RAI1: variants seen among roughly 807,000 people sequenced by gnomAD.
RAI1 encodes retinoic acid induced 1.
In RAI1, 9 loss-of-function variants were observed where a neutral mutation model predicts 123.8. The ratio of observed to expected loss-of-function variants is 0.07; its 90% confidence interval spans 0.04 to 0.13. RAI1 has a LOEUF of 0.13. Among genes scored for constraint, RAI1 ranks in the 10% least tolerant of loss-of-function variants. The probability of loss-of-function intolerance (pLI) is 1.00; values close to 1 mark genes in which losing one functional copy is unlikely to be tolerated. For missense variants in RAI1, 2,256 were observed against 2,545.8 expected, an observed-to-expected ratio of 0.89 and a Z score of 2.45; for synonymous variants, 1,231 against 1,127.3, an observed-to-expected ratio of 1.09 and a Z score of -1.84.
intron 2 of RAI1, among the ~76,000 whole-genome samples, chr17:17,752,163 C>T (rs548770450): frequency 2.0e-5 from 3 of 152,316 alleles, no homozygotes; most frequent in Non-Finnish European, 4.4e-5. Context: ...AGGAGCCTCC[C>T]GCCCGGCATA....
chr17:17,719,083 G>T (rs1233737493), intron 1 of RAI1, among the ~76,000 whole-genome samples: 1 of 152,086 alleles, frequency 6.6e-6, no homozygotes, highest in African/African-American at 2.4e-5. Flanking sequence ...CCCTGGCCAG[G>T]CCTCATCATT....
At chr17:17,785,888 C>T (rs916233186) in intron 2 of RAI1, among the ~76,000 whole-genome samples, 2 of 152,194 alleles carry the variant, frequency 1.3e-5, no homozygotes, top group Non-Finnish European at 2.9e-5. Context: ...GCATTTGACC[C>T]CAGGAGCTTG....
chr17:17,750,893 T>G (rs1277116737), intron 2 of RAI1, among the ~76,000 whole-genome samples: 2 of 151,910 alleles, frequency 1.3e-5, no homozygotes, highest in Non-Finnish European at 2.9e-5. Context: ...TGTCCAAGGG[T>G]GGGGAGGTGG....
chr17:17,803,947 C>A, intron 4 of RAI1, 98 bp downstream of exon 4: 1 of 1,157,430 alleles, frequency 8.6e-7, no homozygotes, highest in Non-Finnish European at 1.3e-6. Flanking sequence ...GGCCCCATCT[C>A]ACTCTTCAGT....
rs889793913 is a variant in RAI1, at chr17:17,685,687, C to T, written c.-149+3894C>T. Among the ~76,000 whole-genome samples, 8 of 152,132 alleles carry T rather than the reference C, an allele frequency of 5.3e-5. No homozygotes were observed. Among genetic ancestry groups the T allele is most frequent in the African/African-American group, 1.7e-4 (7 of 41,430 alleles). The stretch of plus-strand genomic sequence containing the variant: ...TGGCCAGCAGCACTGTCAGAGCGAT[C>T]GTTCTAAACCCAGCAGATAACCTCC... On this transcript the variant is annotated intron_variant, in intron 1 of 5. Coordinates refer to ENST00000353383, the MANE Select transcript of RAI1 (RefSeq NM_030665.4). This position sits in a 1 kb window ranked among gnomAD's most constrained non-coding sequence, Gnocchi z 4.0.
chr17:17,756,116 A>G (rs1209922640), intron 2 of RAI1, among the ~76,000 whole-genome samples: 2 of 152,016 alleles, frequency 1.3e-5, no homozygotes, highest in Non-Finnish European at 2.9e-5. Context: ...CCCCTGGGAC[A>G]GGAGTTCTGG....
intron 2 of RAI1, among the ~76,000 whole-genome samples, chr17:17,769,306 C>A (rs1388375575): frequency 6.6e-6 from 1 of 152,130 alleles, no homozygotes; most frequent in East Asian, 1.9e-4. Flanking sequence ...GGTGTCCCCC[C>A]AAAAGGAGAG....
At chr17:17,695,866 C>T (rs1039633893) in intron 1 of RAI1, among the ~76,000 whole-genome samples, 5 of 152,200 alleles carry the variant, frequency 3.3e-5, no homozygotes, top group Non-Finnish European at 7.3e-5. Flanking sequence ...CCCTTTGTCA[C>T]CTCCTACCTG....
rs1203398923 is a variant in RAI1 at position 17,809,838 on chromosome 17, G to T, written c.5710-132G>T. 3.9e-6 allele frequency: 5 copies of T among 1,290,134 alleles called. No homozygotes were observed. In the African/African-American group the frequency reaches 6.0e-5, roughly 15 times the overall value. The allele number at this position is 1,290,134 out of a possible 1,614,324, so 79.9% of individuals were successfully genotyped here. A position where few individuals can be genotyped will look rare whatever the true frequency, so the allele number is the denominator to read the frequency against. ...CAGAAGGGGTGGTGCCGACGGCCTC[G>T]GGCGGAGACCCCAGCCGCGCTCTGG... On this transcript the variant is annotated intron_variant, in intron 5 of 5. Transcript: ENST00000353383. This position sits in a 1 kb window ranked among gnomAD's most constrained non-coding sequence, Gnocchi z 4.9.
chr17:17,801,909 T>C lies in RAI1; in HGVS notation c.5566-1847T>C. On this transcript the variant is annotated intron_variant, in intron 3 of 5. Transcript: ENST00000353383. This position sits in a 1 kb window ranked among gnomAD's most constrained non-coding sequence, Gnocchi z 4.1. ...AATAACAGTAATCCCATCATAAGGT[T>C]GCTGTGGGCATGAGGCTTCCAGCCA... 1.1e-5 allele frequency: 4 copies of C among 375,732 alleles called. No individual in the cohort carries two copies. Among genetic ancestry groups the C allele is most frequent in the East Asian group, 1.5e-4 (2 of 13,750 alleles). The allele number at this position is 375,732 out of a possible 1,614,324, so 23.3% of individuals were successfully genotyped here.
In RAI1 at chr17:17,714,651, C is replaced by T. The variant is rs72836886; in HGVS notation, c.-148-9377C>T. Among the ~76,000 whole-genome samples the T allele has an allele frequency of 0.072, 10,909 of 152,188 alleles. 529 individuals carry two copies. The highest frequency in any genetic ancestry group is 0.1 in the Non-Finnish European group (6,889 of 67,980). ...AAACGTAACGGGAAGCAGCTGGGTGCGAGCCTCCTGGCACACATTGTGGGA... is the reference window on the plus strand; with the variant it reads ...AAACGTAACGGGAAGCAGCTGGGTGTGAGCCTCCTGGCACACATTGTGGGA... On this transcript the variant is annotated intron_variant, in intron 1 of 5. Transcript: ENST00000353383. The surrounding 1 kb of genome is among the most constrained non-coding windows in gnomAD (Gnocchi z 4.9).
At position 17,798,350 on chromosome 17, in the gene RAI1, A is replaced by G; in HGVS notation, c.5402A>G (p.Lys1801Arg). 6.2e-7 allele frequency: 1 copy of G among 1,605,170 alleles called. No individual in the cohort carries two copies. Among genetic ancestry groups the G allele is most frequent in the Non-Finnish European group, 8.5e-7 (1 of 1,175,828 alleles). ...DGGEEAAPAD[K>R]GRKHECSKEA... The stretch of plus-strand genomic sequence containing the variant: ...GGCGAGGAGGCAGCCCCAGCCGACA[A>G]GGGTCGCAAACATGAGTGCAGCAAG... Residue 1801 changes from lysine (K) to arginine (R), a missense_variant, in exon 3 of 6, where the codon AAG becomes AGG. This residue lies in a region of RAI1 where 243 missense variants were observed against 316.6 expected (regional missense o/e 0.77). Transcript: ENST00000353383.
At chr17:17,738,515 T>G (rs944032866) in intron 2 of RAI1, among the ~76,000 whole-genome samples, 1 of 152,148 alleles carries the variant, frequency 6.6e-6, no homozygotes, top group African/African-American at 2.4e-5. Flanking sequence ...GCCTTGGGCC[T>G]GGCCTGTCTG....
rs760336560 is a variant in RAI1, at chr17:17,794,354, T to C, written c.1406T>C (p.Val469Ala). Reference sequence around the variant, plus strand: ...CAGAAGAAAGGTGTCAAGAACCTCGTGTCCAGGACCCCAGAGCAGCATAAA... The same window carrying C: ...CAGAAGAAAGGTGTCAAGAACCTCGCGTCCAGGACCCCAGAGCAGCATAAA... ...VPQKKGVKNL[V>A]SRTPEQHKSQ... is the part of the protein sequence containing the mutation. Residue 469 changes from valine to alanine, a missense_variant, in exon 3 of 6, where the codon GTG becomes GCG. Physicochemically the swap from Val to Ala is moderately conservative, Grantham distance 64. Around this residue, in one of 7 missense-constraint regions of RAI1, gnomAD observed 357 missense variants for 480.2 expected, o/e 0.74. Transcript: ENST00000353383. 1 of 1,612,978 alleles carries C rather than the reference T, an allele frequency of 6.2e-7. No homozygotes were observed.
intron 2 of RAI1, chr17:17,778,523 A>AT (rs1485832363): frequency 2.8e-6 from 1 of 354,584 alleles, no homozygotes. Flanking sequence ...GCATATACAT[A>AT]TGCAGGAGCT....
chr17:17,712,327 C>T (rs1274145609), intron 1 of RAI1, among the ~76,000 whole-genome samples: 1 of 152,214 alleles, frequency 6.6e-6, no homozygotes, highest in Non-Finnish European at 1.5e-5. Flanking sequence ...GGCTCCAGAA[C>T]AGAGAGCGGC....
chr17:17,806,496 G>A (rs1447112597), intron 4 of RAI1, among the ~76,000 whole-genome samples: 1 of 152,250 alleles, frequency 6.6e-6, no homozygotes, highest in African/African-American at 2.4e-5. Context: ...TCCCCATGAA[G>A]GGGAGAAGTA....
In RAI1 at chr17:17,793,794, GCAGCAGCAGCA is replaced by G; in HGVS notation, c.847_857del (p.Gln283AlafsTer102). ...TCAGCTATGACCAGCAGCAGCAGCA[GCAGCAGCAGCA>G]GCAGCAGCAGCAGCAAGCCCTTCAG... is the stretch of plus-strand genomic sequence containing the variant. On this transcript the variant is annotated frameshift_variant, in exon 3 of 6. Coordinates refer to ENST00000353383, the MANE Select transcript of RAI1 (RefSeq NM_030665.4). LOFTEE classifies it high-confidence loss of function. The G allele has an allele frequency of 6.5e-7, 1 of 1,535,936 alleles. No individual in the cohort carries two copies. The highest frequency in any genetic ancestry group is 8.8e-7 in the Non-Finnish European group (1 of 1,130,294).
At chr17:17,688,926 C>T (rs182022546) in intron 1 of RAI1, among the ~76,000 whole-genome samples, 58 of 150,316 alleles carry the variant, frequency 3.9e-4, no homozygotes, top group African/African-American at 1.3e-3. Flanking sequence ...TGCTAAAGTG[C>T]TTTGTATGTA....
Sources: gnomAD v4.1 joint callset for allele counts (sites outside exome capture counted in the v4.1 genomes callset) on GRCh38, gnomAD v4.1.1 for gene constraint, gnomAD v4.1.1 regional missense constraint, Gnocchi (gnomAD v3.1) non-coding constraint, MANE v1.5 for transcripts, NCBI Gene and HGNC (gene_info 2026-07-23, HGNC 2026-07-21) for gene names.